The following XRCC5 variants were observed in gnomAD, a reference collection of about 807,000 sequenced individuals.
XRCC5 encodes DNA repair protein Ku80.
A neutral mutation model predicts 95.7 loss-of-function variants in XRCC5; 12 were observed. The observed-to-expected ratio is 0.13, with a 90% confidence interval of 0.08 to 0.20. The LOEUF (loss-of-function observed/expected upper bound fraction) is 0.20. Among genes scored for constraint, XRCC5 ranks in the 10% least tolerant of loss-of-function variants. The probability of loss-of-function intolerance (pLI) is 1.00; values close to 1 mark genes in which losing one functional copy is unlikely to be tolerated. For missense variants in XRCC5, 595 were observed against 873.9 expected, an observed-to-expected ratio of 0.68 and a Z score of 4.02; for synonymous variants, 281 against 290.3, an observed-to-expected ratio of 0.97 and a Z score of 0.33.
At chr2:216,125,485 C>T (rs935816690) in intron 6 of XRCC5, among the ~76,000 whole-genome samples, 1 of 152,224 alleles carries the variant, frequency 6.6e-6, no homozygotes, top group Non-Finnish European at 1.5e-5. Context: ...GTGTAAGTCA[C>T]TATGCCGGCC....
In XRCC5 at chr2:216,109,388, G is replaced by A. The variant is rs1175650923; in HGVS notation, c.-49G>A. The A allele has an allele frequency of 1.7e-5, 28 of 1,612,560 alleles. No homozygotes were observed. The highest frequency in any genetic ancestry group is 2.4e-5 in the Non-Finnish European group (28 of 1,179,408). ...TCCACCGGAAGCGAGTTGCGACACGGCAGGTTCCCGCCCGGAAGAAGCGAC... is the reference window on the plus strand; with the variant it reads ...TCCACCGGAAGCGAGTTGCGACACGACAGGTTCCCGCCCGGAAGAAGCGAC... On this transcript the variant is annotated 5_prime_UTR_variant, in exon 1 of 21. Coordinates refer to ENST00000392132, the MANE Select transcript of XRCC5 (RefSeq NM_021141.4).
rs562421703 is a variant in XRCC5 at position 216,152,243 on chromosome 2, C to G, written c.1670+3967C>G. On this transcript the variant is annotated intron_variant, in intron 14 of 20. Transcript: ENST00000392132. The stretch of plus-strand genomic sequence containing the variant: ...CTTGAGGTCAGGAGTTCCAGACCAG[C>G]CTGGCCAACATGGTGAAACCCTGTC... Among the ~76,000 whole-genome samples, 16 of 152,236 alleles carry G rather than the reference C, an allele frequency of 1.1e-4. 1 individual carries two copies. The South Asian group carries it at 2.7e-3, about 26-fold the overall frequency.
chr2:216,125,790 TCTC>T, intron 6 of XRCC5, 124 bp from the exon 7 acceptor site: 1 of 713,236 alleles, frequency 1.4e-6, no homozygotes. Context: ...TTTCCGGCCA[TCTC>T]CTGCTGTTTC....
intron 14 of XRCC5, among the ~76,000 whole-genome samples, chr2:216,154,367 C>T (rs1424079182): frequency 1.3e-5 from 2 of 152,198 alleles, no homozygotes; most frequent in African/African-American, 2.4e-5. Context: ...AGGGTTGTTG[C>T]AAAATTTAAC....
Position 216,132,330 on chromosome 2 carries a change from G to T in XRCC5, c.1056G>T (p.Gln352His), listed in dbSNP as rs1697008511. Residue 352 changes from glutamine to histidine, a missense_variant, in exon 10 of 21, where the codon CAG becomes CAT. Transcript: ENST00000392132. ...ATTCTTTTCCTCTCTTGTAGGTTCA[G>T]AGAAGATTCTTCATGGGAAATCAAG... ...VLGFCKSSQV[Q>H]RRFFMGNQVL... 7 of 1,613,828 alleles carry T rather than the reference G, an allele frequency of 4.3e-6. No individual in the cohort carries two copies. In the South Asian group the frequency reaches 6.6e-5, roughly 15 times the overall value.
At chr2:216,186,784 A>G (rs1294536734) in intron 16 of XRCC5, among the ~76,000 whole-genome samples, 4 of 152,328 alleles carry the variant, frequency 2.6e-5, no homozygotes, top group Non-Finnish European at 5.9e-5. Context: ...TCAGCCCTGT[A>G]ATTAATGTAG....
intron 9 of XRCC5, among the ~76,000 whole-genome samples, chr2:216,131,890 G>A (rs746025208): frequency 1.3e-5 from 2 of 152,160 alleles, no homozygotes; most frequent in Admixed American, 6.5e-5. Context: ...TGCCTGGAAC[G>A]CTTGTGCCCA....
At chr2:216,132,046 A>G (rs1161199334) in intron 9 of XRCC5, among the ~76,000 whole-genome samples, 1 of 152,136 alleles carries the variant, frequency 6.6e-6, no homozygotes, top group African/African-American at 2.4e-5. Context: ...CCATAATACT[A>G]CACTGCAGTT....
chr2:216,197,507 AC>A (rs1689750759), intron 19 of XRCC5, among the ~76,000 whole-genome samples: 6 of 151,914 alleles, frequency 3.9e-5, no homozygotes, highest in Admixed American at 2.0e-4. Flanking sequence ...AATAGAGAGA[AC>A]ATCATAAAAA....
At chr2:216,133,759 T>A (rs760268625) in intron 10 of XRCC5, among the ~76,000 whole-genome samples, 1 of 152,208 alleles carries the variant, frequency 6.6e-6, no homozygotes, top group Non-Finnish European at 1.5e-5. Flanking sequence ...TAGTGTCAGT[T>A]TTTGAGGTAG....
intron 19 of XRCC5, among the ~76,000 whole-genome samples, chr2:216,201,685 T>A (rs935027443): frequency 4.6e-5 from 7 of 152,176 alleles, no homozygotes; most frequent in African/African-American, 1.7e-4. Flanking sequence ...AAAGAACACA[T>A]GAGAAAAGAT....
intron 19 of XRCC5, among the ~76,000 whole-genome samples, chr2:216,200,748 T>G (rs768792215): frequency 6.6e-6 from 1 of 152,198 alleles, no homozygotes; most frequent in Non-Finnish European, 1.5e-5. Flanking sequence ...TCTGGCCTGT[T>G]TTTGACCTTC....
At position 216,187,332 on chromosome 2, in the gene XRCC5, G is replaced by C. The variant is rs112958159; in HGVS notation, c.1835-2893G>C. ...TTTTTACAAAGAAACTGGGTATTGA[G>C]ACTCCTGCTACTTCCTTTTACAAAG... is the stretch of plus-strand genomic sequence containing the variant. On this transcript the variant is annotated intron_variant, in intron 16 of 20. Transcript: ENST00000392132. Among the ~76,000 whole-genome samples, 267 of 152,006 alleles carry C rather than the reference G, an allele frequency of 1.8e-3. 1 individual carries two copies. Among genetic ancestry groups the C allele is most frequent in the African/African-American group, 6.0e-3 (248 of 41,420 alleles).
chr2:216,116,152 C>G (rs1696691766), intron 2 of XRCC5, among the ~76,000 whole-genome samples: 1 of 152,046 alleles, frequency 6.6e-6, no homozygotes, highest in Admixed American at 6.6e-5. Flanking sequence ...TAGTTTGCTT[C>G]CAGTTTTTGC....
At chr2:216,189,002 G>T (rs1689562505) in intron 16 of XRCC5, among the ~76,000 whole-genome samples, 1 of 152,154 alleles carries the variant, frequency 6.6e-6, no homozygotes, top group Non-Finnish European at 1.5e-5. Context: ...GAAAATTGCT[G>T]TATTAAAAAA....
At chr2:216,139,236 T>C (rs1257779912) in intron 12 of XRCC5, among the ~76,000 whole-genome samples, 3 of 151,992 alleles carry the variant, frequency 2.0e-5, no homozygotes, top group African/African-American at 7.2e-5. Flanking sequence ...AGCCTCAAAC[T>C]CCCTGTGTAT....
chr2:216,195,099 G>T (rs562645518), intron 19 of XRCC5, 113 bp downstream of exon 19: 2 of 938,660 alleles, frequency 2.1e-6, no homozygotes, highest in South Asian at 2.9e-5. Flanking sequence ...TACTCATTTT[G>T]TATTCAATAT....
chr2:216,166,442 G>A (rs1411767189), intron 16 of XRCC5, among the ~76,000 whole-genome samples: 1 of 152,080 alleles, frequency 6.6e-6, no homozygotes, highest in African/African-American at 2.4e-5. Flanking sequence ...TTTGACCACA[G>A]CTGTATATAT....
chr2:216,117,436 A>G, intron 3 of XRCC5: 1 of 347,060 alleles, frequency 2.9e-6, no homozygotes, highest in East Asian at 4.8e-5. Flanking sequence ...CATATTTAAG[A>G]ATGGACTGTG....
Sources: allele counts gnomAD v4.1 joint callset (sites outside exome capture counted in the v4.1 genomes callset), GRCh38; gene constraint gnomAD v4.1.1; transcripts MANE v1.5; gene names NCBI Gene and HGNC (gene_info 2026-07-23, HGNC 2026-07-21).